Variants in ROPN1L observed in about 807,000 individuals in gnomAD.
ROPN1L encodes rhophilin associated tail protein 1 like, also known as ropporin-1-like protein.
In ROPN1L, 23 loss-of-function variants were observed where a neutral mutation model predicts 22.7. The ratio of observed to expected loss-of-function variants is 1.01; its 90% CI spans 0.73 to 1.43. ROPN1L has a LOEUF of 1.43. Among genes scored for constraint, ROPN1L ranks in the 40% most tolerant of loss-of-function variants. The pLI is 0.00. For synonymous variants in ROPN1L, 116 were observed against 117.8 expected, an observed-to-expected ratio of 0.98 and a Z score of 0.10; for missense variants, 271 against 291.5, an observed-to-expected ratio of 0.93 and a Z score of 0.51.
chr5:10,461,765 A>G (rs1404433975), intron 4 of ROPN1L, among the ~76,000 whole-genome samples: 1 of 152,248 alleles, frequency 6.6e-6, no homozygotes, highest in Non-Finnish European at 1.5e-5. Context: ...TTAATTTGCT[A>G]GAATGGTTCA....
At chr5:10,450,736 T>A (rs1458634838) in intron 3 of ROPN1L, among the ~76,000 whole-genome samples, 1 of 152,200 alleles carries the variant, frequency 6.6e-6, no homozygotes, top group Non-Finnish European at 1.5e-5. Context: ...ACTCCTGACC[T>A]CAGGTGATCT....
intron 4 of ROPN1L, among the ~76,000 whole-genome samples, chr5:10,462,847 C>T (rs1735063503): frequency 6.6e-6 from 1 of 152,120 alleles, no homozygotes; most frequent in Non-Finnish European, 1.5e-5. Context: ...CGAGATTGTG[C>T]CATTCCACTT....
intron 3 of ROPN1L, among the ~76,000 whole-genome samples, chr5:10,454,230 G>T (rs142955438): frequency 2.0e-5 from 3 of 151,924 alleles, no homozygotes; most frequent in Non-Finnish European, 4.4e-5. Context: ...GTACTCAAGC[G>T]ATCTTCCCAC....
chr5:10,441,880 C>A lies in ROPN1L; in HGVS notation c.-288C>A, dbSNP rs1740883599. On this transcript the variant is annotated 5_prime_UTR_variant, in exon 1 of 5. Transcript: ENST00000274134. Reference sequence around the variant, plus strand: ...CGGCTCCAGGGGCGGGGCCTGCTCGCGTCCCGGGTGCCTGGATACCGAGCG... The same window carrying A: ...CGGCTCCAGGGGCGGGGCCTGCTCGAGTCCCGGGTGCCTGGATACCGAGCG... 1.2e-5 allele frequency: 3 copies of A among 252,650 alleles called. No individual in the cohort carries two copies. The South Asian group carries it at 1.9e-4, about 16-fold the overall frequency. The allele number at this position is 252,650 out of a possible 1,614,324, so 15.7% of individuals were successfully genotyped here.
At chr5:10,475,411 A>G (rs1735305033), downstream of ROPN1L, among the ~76,000 whole-genome samples, 1 of 152,120 alleles carries the variant, frequency 6.6e-6, no homozygotes, top group African/African-American at 2.4e-5. Flanking sequence ...TTTATATAAA[A>G]CTTTCCCTGT....
At chr5:10,452,165 G>A (rs1053984739) in intron 3 of ROPN1L, among the ~76,000 whole-genome samples, 4 of 151,570 alleles carry the variant, frequency 2.6e-5, no homozygotes, top group Non-Finnish European at 5.9e-5. Flanking sequence ...ACTTTTAGTA[G>A]AGATGGGGTT....
rs183394482 is a variant in ROPN1L, at chr5:10,464,280, T to C, written c.594-568T>C. ...CGCAGCTCCCAAGCCATCCCTTCTG[T>C]CCGCCTTATTCTTGACACCATCCTG... On this transcript the variant is annotated intron_variant, in intron 4 of 4. Transcript: ENST00000274134. 3.5e-4 allele frequency among the ~76,000 whole-genome samples: 53 copies of C among 152,222 alleles called. No homozygotes were observed. In the East Asian group the frequency reaches 9.6e-3, roughly 28 times the overall value.
intron 4 of ROPN1L, among the ~76,000 whole-genome samples, chr5:10,470,835 C>T (rs780557680): frequency 6.6e-6 from 1 of 152,242 alleles, no homozygotes. Context: ...AATATTCGGG[C>T]TTAGGTGAAA....
At chr5:10,469,636 T>C (rs1449057197), downstream of ROPN1L, among the ~76,000 whole-genome samples, 1 of 152,262 alleles carries the variant, frequency 6.6e-6, no homozygotes, top group Admixed American at 6.5e-5. Context: ...TTTTATCTTA[T>C]GACTTAAAGA....
At chr5:10,470,020 G>T (rs1735220142), downstream of ROPN1L, among the ~76,000 whole-genome samples, 1 of 152,216 alleles carries the variant, frequency 6.6e-6, no homozygotes, top group Admixed American at 6.5e-5. Flanking sequence ...TTCAAATGTA[G>T]TGAGATTTTT....
intron 1 of ROPN1L, among the ~76,000 whole-genome samples, chr5:10,445,511 G>C (rs1427780183): frequency 6.6e-6 from 1 of 152,120 alleles, no homozygotes; most frequent in Admixed American, 6.5e-5. Flanking sequence ...GGGCTTGGGT[G>C]GGGTGGAGAG....
At chr5:10,475,881 C>T (rs1735310533), downstream of ROPN1L, among the ~76,000 whole-genome samples, 1 of 152,210 alleles carries the variant, frequency 6.6e-6, no homozygotes, top group African/African-American at 2.4e-5. Context: ...AATACCAGTC[C>T]TCAGATGAAG....
intron 1 of ROPN1L, among the ~76,000 whole-genome samples, chr5:10,447,998 T>A (rs1207924777): frequency 6.6e-6 from 1 of 152,178 alleles, no homozygotes; most frequent in African/African-American, 2.4e-5. Flanking sequence ...TGCCAGCCAC[T>A]GCGCCAAGCC....
intron 1 of ROPN1L, among the ~76,000 whole-genome samples, chr5:10,442,558 A>G (rs1390557210): frequency 6.6e-6 from 1 of 152,260 alleles, no homozygotes; most frequent in Non-Finnish European, 1.5e-5. Context: ...ATTGTTTAAA[A>G]GTGTTTATGA....
downstream of ROPN1L, among the ~76,000 whole-genome samples, chr5:10,469,147 T>G (rs1735206503): frequency 1.3e-5 from 2 of 150,722 alleles, no homozygotes; most frequent in South Asian, 2.1e-4. Context: ...AGAGCAACTT[T>G]CTTTAAAAAA....
chr5:10,450,524 G>T (rs1302745716), intron 3 of ROPN1L, among the ~76,000 whole-genome samples: 1 of 152,002 alleles, frequency 6.6e-6, no homozygotes, highest in Non-Finnish European at 1.5e-5. Flanking sequence ...TTGAGATGGA[G>T]TTTTGCTGTT....
downstream of ROPN1L, among the ~76,000 whole-genome samples, chr5:10,473,262 G>A (rs1380634755): frequency 3.9e-5 from 6 of 152,160 alleles, no homozygotes; most frequent in South Asian, 2.1e-4. Flanking sequence ...TGTAGATGTC[G>A]TTAATTTAAG....
intron 2 of ROPN1L, 39 bp downstream of exon 2, chr5:10,448,422 C>G: frequency 6.2e-7 from 1 of 1,612,214 alleles, no homozygotes. Context: ...GGCAGCTGGC[C>G]TGTGCTTTCC....
intron 3 of ROPN1L, among the ~76,000 whole-genome samples, chr5:10,459,649 A>C (rs1397009616): frequency 6.6e-6 from 1 of 152,082 alleles, no homozygotes; most frequent in African/African-American, 2.4e-5. Flanking sequence ...GAATTCTCCC[A>C]GCATCCCACA....
Sources: allele counts gnomAD v4.1 joint callset (sites outside exome capture counted in the v4.1 genomes callset), GRCh38; gene constraint gnomAD v4.1.1; transcripts MANE v1.5; gene names NCBI Gene and HGNC (gene_info 2026-07-23, HGNC 2026-07-21).